Variants in LRP5 observed in about 807,000 individuals in gnomAD.
LRP5 encodes LDL receptor related protein 5.
LRP5 carries 62 observed loss-of-function variants against 154.1 expected under a neutral mutation model. That is an observed-to-expected ratio of 0.40 (90% confidence interval 0.33 to 0.50). The LOEUF (loss-of-function observed/expected upper bound fraction) is 0.50, where lower values mean the gene tolerates loss of function less well. Ranked by LOEUF, LRP5 falls within the 20% of genes least tolerant of loss-of-function variation. LRP5 has a pLI of 0.55. For synonymous variants in LRP5, 966 were observed against 1,011.5 expected (o/e 0.96, Z 0.85); for missense variants, 1,915 against 2,336.7 (o/e 0.82, Z 3.72).
At chr11:68,424,031 C>G (rs749922332) in intron 14 of LRP5, among the ~76,000 whole-genome samples, 1 of 152,212 alleles carries the variant, frequency 6.6e-6, no homozygotes, top group Non-Finnish European at 1.5e-5. Flanking sequence ...TGCCTGTTGA[C>G]TCGCTCCTGT....
intron 1 of LRP5, among the ~76,000 whole-genome samples, chr11:68,337,391 T>G (rs770974742): frequency 6.6e-6 from 1 of 152,142 alleles, no homozygotes; most frequent in South Asian, 2.1e-4. Context: ...CCCAGAGCTG[T>G]GTTAGGTGTC....
At chr11:68,411,860 C>T (rs1039325542) in intron 11 of LRP5, among the ~76,000 whole-genome samples, 1 of 152,162 alleles carries the variant, frequency 6.6e-6, no homozygotes, top group African/African-American at 2.4e-5. Context: ...GTTTCCTGTG[C>T]ACCTGCTGGG....
Position 68,344,732 on chromosome 11 carries a change from G to GT in LRP5, c.92-3114dup, listed in dbSNP as rs927796048. On this transcript the variant is annotated intron_variant, in intron 1 of 22. Coordinates refer to ENST00000294304, the MANE Select transcript of LRP5 (RefSeq NM_002335.4). ...TTCTGTCTCAATGAATTTGCCTACCGTAAGTACCTCATATAAATTGAATCA... is the reference window on the plus strand; with the variant it reads ...TTCTGTCTCAATGAATTTGCCTACCGTTAAGTACCTCATATAAATTGAATCA... Among the ~76,000 whole-genome samples, 20 of 151,288 alleles carry GT rather than the reference G, an allele frequency of 1.3e-4. No homozygotes were observed. In the East Asian group the frequency reaches 3.9e-3, roughly 30 times the overall value.
chr11:68,326,221 GC>G (rs1333278358), intron 1 of LRP5, among the ~76,000 whole-genome samples: 1 of 152,212 alleles, frequency 6.6e-6, no homozygotes, highest in Non-Finnish European at 1.5e-5. Flanking sequence ...TCCCCTGGGG[GC>G]CTCTGCTTTG....
At chr11:68,383,735 C>T (rs189554668) in intron 5 of LRP5, among the ~76,000 whole-genome samples, 12 of 152,270 alleles carry the variant, frequency 7.9e-5, no homozygotes, top group African/African-American at 2.6e-4. Flanking sequence ...GCCATGAGGC[C>T]GACTGTTGGT....
rs111914126 is a variant in LRP5, at chr11:68,406,850, A to G, written c.2091+37A>G. On this transcript the variant is annotated intron_variant, in intron 9 of 22. Coordinates refer to ENST00000294304, the MANE Select transcript of LRP5 (RefSeq NM_002335.4). ...CAGAACGTGCACACAGGCAGCCTTT[A>G]TGGGAAAACCTTGCCTCTGTTCCTG... is the stretch of plus-strand genomic sequence containing the variant. 9 of 1,607,614 alleles carry G rather than the reference A, an allele frequency of 5.6e-6. No individual in the cohort carries two copies. In the Admixed American group the frequency reaches 1.3e-4, roughly 24 times the overall value.
At position 68,347,871 on chromosome 11, in the gene LRP5, A is replaced by G. The variant is rs770308939; in HGVS notation, c.116A>G (p.Asn39Ser). Residue 39 changes from asparagine to serine, a missense_variant, in exon 2 of 23, where the codon AAC (asparagine) becomes AGC (serine). By Grantham distance (46) the Asn-to-Ser change is conservative (BLOSUM62 1). Transcript: ENST00000294304. Reference protein sequence around the residue: ...AAASPLLLFANRRDVRLVDAG... With the variant: ...AAASPLLLFASRRDVRLVDAG... ...GCCTCGCCGCTCCTGCTATTTGCCA[A>G]CCGCCGGGACGTACGGCTGGTGGAC... is the stretch of plus-strand genomic sequence containing the variant. 3.1e-6 allele frequency: 5 copies of G among 1,613,316 alleles called. No individual in the cohort carries two copies. In the African/African-American group the frequency reaches 5.3e-5, roughly 17 times the overall value.
At chr11:68,403,231 T>G (rs1197494818) in intron 7 of LRP5, among the ~76,000 whole-genome samples, 1 of 152,050 alleles carries the variant, frequency 6.6e-6, no homozygotes, top group Non-Finnish European at 1.5e-5. Context: ...GGCAACAGAG[T>G]GAGACGCTGT....
chr11:68,387,580 C>T (rs1214119136), intron 6 of LRP5, among the ~76,000 whole-genome samples: 2 of 152,116 alleles, frequency 1.3e-5, no homozygotes, highest in Admixed American at 6.6e-5. Context: ...CAGCGTGGCT[C>T]CAGCTTTCCA....
chr11:68,310,931 G>T (rs1298606862), upstream of LRP5, among the ~76,000 whole-genome samples: 5 of 151,960 alleles, frequency 3.3e-5, no homozygotes. Context: ...AGTGTGGTTG[G>T]AGCAGGCCCT....
intron 1 of LRP5, among the ~76,000 whole-genome samples, chr11:68,346,397 T>C (rs2098612949): frequency 6.6e-6 from 1 of 152,280 alleles, no homozygotes; most frequent in Non-Finnish European, 1.5e-5. Flanking sequence ...GAGCCAGTGC[T>C]TGTCTTGGCA....
chr11:68,338,649 T>C (rs2098607025), intron 1 of LRP5, among the ~76,000 whole-genome samples: 1 of 151,980 alleles, frequency 6.6e-6, no homozygotes. Flanking sequence ...GAGTGCGGGG[T>C]GTACTGAGTT....
At chr11:68,369,855 G>A (rs547075470) in intron 5 of LRP5, among the ~76,000 whole-genome samples, 1 of 152,260 alleles carries the variant, frequency 6.6e-6, no homozygotes, top group East Asian at 1.9e-4. Flanking sequence ...ACCCTGGCTT[G>A]CAAAGGGCCA....
At chr11:68,324,064 C>T (rs967258750) in intron 1 of LRP5, among the ~76,000 whole-genome samples, 2 of 152,244 alleles carry the variant, frequency 1.3e-5, no homozygotes, top group African/African-American at 2.4e-5. Context: ...TGCAGGGCCC[C>T]GTGGGCTTGT....
chr11:68,376,790 G>A (rs1459408234), intron 5 of LRP5, among the ~76,000 whole-genome samples: 2 of 152,230 alleles, frequency 1.3e-5, no homozygotes, highest in East Asian at 1.9e-4. Context: ...GAATTAGGCC[G>A]CCTGCCTAAA....
At chr11:68,337,736 G>C (rs949094075) in intron 1 of LRP5, among the ~76,000 whole-genome samples, 2 of 151,808 alleles carry the variant, frequency 1.3e-5, no homozygotes, top group African/African-American at 4.8e-5. Context: ...CAAGAAGCCT[G>C]CCTGATCCAC....
In LRP5 at chr11:68,449,215, A is replaced by C; in HGVS notation, c.*145A>C. ...AAATGTGAACTGTGATGGGGTGGGCAGGGCTGGGAGAACTTTGTACAGTGG... is the reference window on the plus strand; with the variant it reads ...AAATGTGAACTGTGATGGGGTGGGCCGGGCTGGGAGAACTTTGTACAGTGG... On this transcript the variant is annotated 3_prime_UTR_variant, in exon 23 of 23. Coordinates refer to ENST00000294304, the MANE Select transcript of LRP5 (RefSeq NM_002335.4). 6.8e-6 allele frequency: 2 copies of C among 296,220 alleles called. No homozygotes were observed. Among genetic ancestry groups the C allele is most frequent in the East Asian group, 7.2e-5 (1 of 13,896 alleles). The allele number at this position is 296,220 out of a possible 1,614,324, so 18.3% of individuals were successfully genotyped here. A position where few individuals can be genotyped will look rare whatever the true frequency, so the allele number is the denominator to read the frequency against.
rs1461559460 is a variant in LRP5 at position 68,406,582 on chromosome 11, C to T, written c.1860C>T (p.Pro620=). The change falls in exon 9 of 23, where the codon CCC becomes CCT. Residue 620 remains proline, a synonymous_variant. Transcript: ENST00000294304. ...GCAGCCACCTGTGCTTCTTCACACC[C>T]CACGCAACCCGGTGTGGCTGCCCCA... The part of the protein sequence containing the change: ...GGCSHLCFFT[P]HATRCGCPIG... 1 of 1,614,092 alleles carries T rather than the reference C, an allele frequency of 6.2e-7. No homozygotes were observed. Among genetic ancestry groups the T allele is most frequent in the Non-Finnish European group, 8.5e-7 (1 of 1,180,048 alleles).
chr11:68,405,434 C>T (rs1037326961), intron 8 of LRP5, among the ~76,000 whole-genome samples: 3 of 145,464 alleles, frequency 2.1e-5, no homozygotes, highest in Non-Finnish European at 4.5e-5. Flanking sequence ...CATGCCACTG[C>T]ACTCCAGCCT....
Sources: gnomAD v4.1 joint callset for allele counts (sites outside exome capture counted in the v4.1 genomes callset) on GRCh38, gnomAD v4.1.1 for gene constraint, MANE v1.5 for transcripts, NCBI Gene and HGNC (gene_info 2026-07-23, HGNC 2026-07-21) for gene names.